The following CYP3A5 variants were observed in gnomAD, a reference collection of about 807,000 sequenced individuals.
CYP3A5 encodes the protein cytochrome P450 3A5.
Under a neutral mutation model 55.9 loss-of-function variants are expected in CYP3A5, and 51 were observed. That is an observed-to-expected ratio of 0.91 (90% CI 0.73 to 1.15). CYP3A5 has a LOEUF of 1.15. Among genes scored for constraint, CYP3A5 ranks in the 50% most tolerant of loss-of-function variants. CYP3A5 has a pLI of 0.00. For missense variants in CYP3A5, 533 were observed against 596.6 expected (o/e 0.89, Z 1.11); for synonymous variants, 196 against 213.9 (o/e 0.92, Z 0.73).
chr7:99,652,494 C>A (rs1047178265), intron 11 of CYP3A5, 59 bp downstream of exon 11: 3 of 1,109,586 alleles, frequency 2.7e-6, no homozygotes, highest in Non-Finnish European at 3.9e-6. Context: ...TTAAGAGAGG[C>A]AGAATATGCT....
At chr7:99,663,175 T>C (rs559608855) in intron 8 of CYP3A5, 1 of 1,139,736 alleles carries the variant, frequency 8.8e-7, no homozygotes, top group South Asian at 2.4e-5. Flanking sequence ...GCCAAAGAGT[T>C]GCCGGTTCCA....
At chr7:99,664,336 A>G (rs190717768) in intron 7 of CYP3A5, among the ~76,000 whole-genome samples, 8 of 152,342 alleles carry the variant, frequency 5.3e-5, no homozygotes, top group Admixed American at 5.2e-4. Context: ...TGGAGTGACC[A>G]AAGTAATAGA....
Position 99,650,056 on chromosome 7 carries a change from A to C in CYP3A5, c.1413+17T>G, listed in dbSNP as rs1275692661. 1 of 1,613,500 alleles carries C rather than the reference A, an allele frequency of 6.2e-7. No homozygotes were observed. Among genetic ancestry groups the C allele is most frequent in the African/African-American group, 1.3e-5 (1 of 74,914 alleles). ...GTTAAAAAAATTCTTAATAAAACAT[A>C]CAGAAAGTGTACTGACCTGTGTTTC... On this transcript the variant is annotated intron_variant, in intron 12 of 12. Transcript: ENST00000222982.
intron 4 of CYP3A5, among the ~76,000 whole-genome samples, chr7:99,668,837 T>A (rs1811295974): frequency 6.6e-6 from 1 of 152,226 alleles, no homozygotes; most frequent in Admixed American, 6.5e-5. Context: ...CAGTGTGTTA[T>A]CTTCTAATCA....
intron 7 of CYP3A5, among the ~76,000 whole-genome samples, chr7:99,664,488 C>G (rs1014328642): frequency 6.6e-6 from 1 of 152,184 alleles, no homozygotes; most frequent in Non-Finnish European, 1.5e-5. Context: ...TGTACATCAA[C>G]TTCCATGGAA....
Position 99,653,854 on chromosome 7 carries a change from A to G in CYP3A5, c.1027-1075T>C, listed in dbSNP as rs903752156. Among the ~76,000 whole-genome samples, 5 of 152,238 alleles carry G rather than the reference A, an allele frequency of 3.3e-5. No individual in the cohort carries two copies. The highest frequency in any genetic ancestry group is 7.3e-5 in the Non-Finnish European group (5 of 68,044). ...GCAGTATTGTAGAGGGTTAGAGTTT[A>G]GCTCAGGAGTCAGATACCCTGGTTC... On this transcript the variant is annotated intron_variant, in intron 10 of 12. Transcript: ENST00000222982. The surrounding 1 kb of genome is among the most constrained non-coding windows in gnomAD (Gnocchi z 4.2).
At chr7:99,675,643 TCCCCCCTCCCCTCCC>T in intron 2 of CYP3A5, among the ~76,000 whole-genome samples, 1 of 14,378 alleles carries the variant, frequency 7.0e-5, no homozygotes, top group Non-Finnish European at 1.6e-4. Flanking sequence ...TCTCCTCTCC[TCCCCCCTCCCCTCCC>T]CTCCCCTCCC....
intron 4 of CYP3A5, chr7:99,672,000 A>C (rs142580784): frequency 1.3e-5 from 8 of 609,800 alleles, no homozygotes; most frequent in Non-Finnish European, 2.3e-5. Flanking sequence ...TTCCTGTACT[A>C]TAGTATTAGG....
intron 9 of CYP3A5, among the ~76,000 whole-genome samples, chr7:99,660,967 T>C (rs975619353): frequency 1.3e-5 from 2 of 152,216 alleles, no homozygotes; most frequent in Non-Finnish European, 2.9e-5. Context: ...CTCAGTGTTA[T>C]GGGTGTGTGC....
At chr7:99,655,612 G>C (rs886901664) in intron 10 of CYP3A5, among the ~76,000 whole-genome samples, 1 of 152,206 alleles carries the variant, frequency 6.6e-6, no homozygotes, top group Non-Finnish European at 1.5e-5. Flanking sequence ...CCAGTTCTGT[G>C]AAGAAAGTCA....
At chr7:99,655,441 T>TCTGTTTTGGTACCAGTACCATG (rs1809614442) in intron 10 of CYP3A5, among the ~76,000 whole-genome samples, 1 of 152,204 alleles carries the variant, frequency 6.6e-6, no homozygotes, top group Non-Finnish European at 1.5e-5. Flanking sequence ...GATCAATATC[T>TCTGTTTTGGTACCAGTACCATG]CTGTTTTGGT....
Position 99,676,107 on chromosome 7 carries a change from C to G in CYP3A5, c.165+8G>C, listed in dbSNP as rs1260265514. 1 of 1,612,452 alleles carries G rather than the reference C, an allele frequency of 6.2e-7. No individual in the cohort carries two copies. The highest frequency in any genetic ancestry group is 8.5e-7 in the Non-Finnish European group (1 of 1,178,820). The stretch of plus-strand genomic sequence containing the variant: ...TAAGAAGCAAAAGAGGAAGCTCAAG[C>G]AACTCACCTGACGATAGGACAAAAC... On this transcript the variant is annotated splice_region_variant and intron_variant, in intron 2 of 12. Coordinates refer to ENST00000222982, the MANE Select transcript of CYP3A5 (RefSeq NM_000777.5).
At chr7:99,671,830 T>C in intron 4 of CYP3A5, 5 of 702,936 alleles carry the variant, frequency 7.1e-6, no homozygotes, top group Non-Finnish European at 1.3e-5. Context: ...GGGAGCCACA[T>C]GGTGACGGAA....
intron 7 of CYP3A5, 102 bp from the exon 8 acceptor site, chr7:99,664,197 T>C (rs528608933): frequency 2.9e-6 from 3 of 1,026,612 alleles, no homozygotes; most frequent in South Asian, 2.9e-5. Flanking sequence ...AAGAACATCA[T>C]GATTCTCAAC....
rs546268184 is a variant in CYP3A5 at position 99,672,476 on chromosome 7, C to A, written c.318+104G>T. The A allele has an allele frequency of 9.4e-4, 924 of 984,052 alleles. 4 individuals are homozygous for A. Among genetic ancestry groups the A allele is most frequent in the Middle Eastern group, 6.0e-3 (19 of 3,166 alleles). 61.0% of individuals were successfully genotyped at this position (984,052 alleles called of 1,614,324 possible). On this transcript the variant is annotated intron_variant, in intron 4 of 12. Coordinates refer to ENST00000222982, the MANE Select transcript of CYP3A5 (RefSeq NM_000777.5). ...AGGATGAAGAGTACATGGAACCTTC[C>A]TGTACATTTTTTAGGTAACCTTCTG...
rs749034118 is a variant in CYP3A5, at chr7:99,672,558, A to T, written c.318+22T>A. On this transcript the variant is annotated intron_variant, in intron 4 of 12. Coordinates refer to ENST00000222982, the MANE Select transcript of CYP3A5 (RefSeq NM_000777.5). Reference sequence around the variant, plus strand: ...AATCAGTGGATCAATCATTATTTAAATTTCAAAAAATGGATGCTTACCCTT... The same window carrying T: ...AATCAGTGGATCAATCATTATTTAATTTTCAAAAAATGGATGCTTACCCTT... The T allele has an allele frequency of 2.5e-6, 4 of 1,594,496 alleles. No individual in the cohort carries two copies. The South Asian group carries it at 4.4e-5, about 18-fold the overall frequency.
chr7:99,659,980 A>T (rs1442646534), intron 10 of CYP3A5: 1 of 155,088 alleles, frequency 6.4e-6, no homozygotes, highest in Admixed American at 6.6e-5. Context: ...CGTCACCCCT[A>T]GGAAAGGGAA....
At position 99,667,048 on chromosome 7, in the gene CYP3A5, TC is replaced by T; in HGVS notation, c.335del (p.Gly112AspfsTer3). On this transcript the variant is annotated frameshift_variant, in exon 5 of 13. Coordinates refer to ENST00000222982, the MANE Select transcript of CYP3A5 (RefSeq NM_000777.5). LOFTEE classifies it high-confidence loss of function. ...CTAAAGAGATGGCACTTTTCATAAA[TC>T]CCACTGGGCCTAAAGACTAGAGTTC... The part of the protein sequence containing the change: ...FTNRRSLGPV[G>X]FMKSAISLAE... 6.2e-7 allele frequency: 1 copy of T among 1,614,060 alleles called. No individual in the cohort carries two copies. The highest frequency in any genetic ancestry group is 8.5e-7 in the Non-Finnish European group (1 of 1,179,928).
intron 2 of CYP3A5, among the ~76,000 whole-genome samples, chr7:99,675,568 C>T (rs1309553292): frequency 6.7e-6 from 1 of 149,214 alleles, no homozygotes; most frequent in Admixed American, 6.7e-5. Flanking sequence ...GTAAACCTGG[C>T]CATGCTTTGG....
Sources: allele counts gnomAD v4.1 joint callset (sites outside exome capture counted in the v4.1 genomes callset), GRCh38; gene constraint gnomAD v4.1.1; non-coding constraint Gnocchi (gnomAD v3.1); transcripts MANE v1.5; gene names NCBI Gene and HGNC (gene_info 2026-07-23, HGNC 2026-07-21).